Variants in CADM2 observed in about 807,000 individuals in gnomAD.
CADM2 encodes cell adhesion molecule 2.
A neutral mutation model predicts 49.8 loss-of-function variants in CADM2; 12 were observed. That is an observed-to-expected ratio of 0.24 (90% CI 0.15 to 0.39). The LOEUF (loss-of-function observed/expected upper bound fraction) is 0.39. Among genes scored for constraint, CADM2 ranks in the 10% least tolerant of loss-of-function variants. The probability of loss-of-function intolerance (pLI) is 1.00; values close to 1 mark genes in which losing one functional copy is unlikely to be tolerated. For missense variants in CADM2, 378 were observed against 492.3 expected (o/e 0.77, Z 2.20); for synonymous variants, 214 against 175.4 (o/e 1.22, Z -1.74).
rs2061893603 is a variant in CADM2, at chr3:85,554,299, A to G, written c.62-172223A>G. 2.0e-5 allele frequency among the ~76,000 whole-genome samples: 3 copies of G among 152,162 alleles called. No individual in the cohort carries two copies. The South Asian group carries it at 6.2e-4, about 32-fold the overall frequency. ...TATGAGAATCTAATGCCGCCCCTGAATCTGACAGGAGGTGGAGTTCAGGCG... is the reference window on the plus strand; with the variant it reads ...TATGAGAATCTAATGCCGCCCCTGAGTCTGACAGGAGGTGGAGTTCAGGCG... On this transcript the variant is annotated intron_variant, in intron 1 of 9. Transcript: ENST00000383699.
chr3:85,599,159 A>G (rs532452530), intron 1 of CADM2, among the ~76,000 whole-genome samples: 12 of 152,016 alleles, frequency 7.9e-5, no homozygotes, highest in Admixed American at 5.3e-4. Context: ...TTATCCACCC[A>G]CAGTTTATTT....
At chr3:85,073,686 T>A (rs1429964970) in intron 1 of CADM2, among the ~76,000 whole-genome samples, 1 of 152,172 alleles carries the variant, frequency 6.6e-6, no homozygotes, top group Non-Finnish European at 1.5e-5. Context: ...CTTAATAATG[T>A]ATTTCATTTA....
intron 1 of CADM2, among the ~76,000 whole-genome samples, chr3:85,463,294 T>C (rs1376393244): frequency 6.6e-6 from 1 of 152,182 alleles, no homozygotes. Context: ...TTCTAACTGA[T>C]TTTGAATGAC....
intron 3 of CADM2, among the ~76,000 whole-genome samples, chr3:85,828,640 T>C (rs367583229): frequency 7.2e-5 from 11 of 151,922 alleles, no homozygotes; most frequent in African/African-American, 2.2e-4. Context: ...GTATAATTCC[T>C]CACTCTCTCA....
intron 2 of CADM2, among the ~76,000 whole-genome samples, chr3:85,731,187 G>A (rs2067917198): frequency 1.3e-5 from 2 of 152,102 alleles, no homozygotes; most frequent in Admixed American, 1.3e-4. Flanking sequence ...GAAAAATTTT[G>A]GAGGTTAATT....
chr3:85,631,214 C>T (rs73141352), intron 1 of CADM2, among the ~76,000 whole-genome samples: 1 of 152,132 alleles, frequency 6.6e-6, no homozygotes, highest in Non-Finnish European at 1.5e-5. Flanking sequence ...TCTGAAAACT[C>T]TACCTGAACT....
At chr3:85,653,050 G>A (rs1472292722) in intron 1 of CADM2, among the ~76,000 whole-genome samples, 3 of 151,704 alleles carry the variant, frequency 2.0e-5, no homozygotes, top group African/African-American at 7.3e-5. Context: ...TGGGATTACA[G>A]GCGTGAGCCA....
chr3:85,520,492 T>A (rs193017387), intron 1 of CADM2, among the ~76,000 whole-genome samples: 1 of 152,066 alleles, frequency 6.6e-6, no homozygotes, highest in Non-Finnish European at 1.5e-5. Flanking sequence ...GCACTTACTC[T>A]GTGCCATGTA....
At chr3:85,180,514 G>GAAAAAA (rs58932967) in intron 1 of CADM2, among the ~76,000 whole-genome samples, 97 of 77,056 alleles carry the variant, frequency 1.3e-3, no homozygotes, top group Middle Eastern at 0.011. Context: ...GTCTCAAAAA[G>GAAAAAA]AAAAAAAAAA....
rs113910570 is a variant in CADM2 at position 84,988,994 on chromosome 3, C to T, written c.61+29326C>T. Among the ~76,000 whole-genome samples, 125 of 152,198 alleles carry T rather than the reference C, an allele frequency of 8.2e-4. No homozygotes were observed. The Middle Eastern group carries it at 0.017, about 21-fold the overall frequency. On this transcript the variant is annotated intron_variant, in intron 1 of 9. Coordinates refer to ENST00000383699, the MANE Select transcript of CADM2 (RefSeq NM_001167675.2). ...CTAGGTTTTGGGGAATAGATGGGAA[C>T]AAGAGGCAAAGTAAAGACAGAACAG...
chr3:85,818,153 A>C (rs1281383394), intron 3 of CADM2, among the ~76,000 whole-genome samples: 1 of 152,080 alleles, frequency 6.6e-6, no homozygotes, highest in Non-Finnish European at 1.5e-5. Context: ...AACTACATTG[A>C]GGGTAACAAC....
intron 1 of CADM2, among the ~76,000 whole-genome samples, chr3:85,332,792 A>G (rs60150405): frequency 0.073 from 11,044 of 151,874 alleles, 732 homozygotes; most frequent in African/African-American, 0.18. Context: ...ATCTACTGCT[A>G]GTTTGCAAGT....
At chr3:85,035,540 G>GA (rs1158507765) in intron 1 of CADM2, among the ~76,000 whole-genome samples, 22 of 152,148 alleles carry the variant, frequency 1.4e-4, no homozygotes, top group African/African-American at 5.3e-4. Context: ...TCTTGTAGTA[G>GA]TTTCATAGCT....
In CADM2 at chr3:85,132,642, A is replaced by ATATTTT. The variant is rs533231548; in HGVS notation, c.61+172975_61+172976insATTTTT. ...AAGGATATATTATATATATATATAT[A>ATATTTT]TTTAGTCATTAGACCCTCTCAGTAA... On this transcript the variant is annotated intron_variant, in intron 1 of 9. Coordinates refer to ENST00000383699, the MANE Select transcript of CADM2 (RefSeq NM_001167675.2). 3.2e-3 allele frequency among the ~76,000 whole-genome samples: 484 copies of ATATTTT among 151,622 alleles called. 9 individuals are homozygous for ATATTTT. Among genetic ancestry groups the ATATTTT allele is most frequent in the East Asian group, 0.029 (148 of 5,154 alleles).
At chr3:85,863,563 C>T (rs2075616286) in intron 3 of CADM2, among the ~76,000 whole-genome samples, 2 of 152,206 alleles carry the variant, frequency 1.3e-5, no homozygotes, top group Non-Finnish European at 2.9e-5. Context: ...GCTTGTCCTT[C>T]TGCTCTTCTG....
chr3:85,770,555 G>A (rs1231354104), intron 2 of CADM2, among the ~76,000 whole-genome samples: 1 of 152,102 alleles, frequency 6.6e-6, no homozygotes, highest in East Asian at 1.9e-4. Flanking sequence ...CTGGGCTCAA[G>A]TGATCCTCCC....
intron 1 of CADM2, among the ~76,000 whole-genome samples, chr3:85,306,773 T>C (rs1270194124): frequency 6.6e-6 from 1 of 151,898 alleles, no homozygotes; most frequent in East Asian, 1.9e-4. Flanking sequence ...GGAGAGATTA[T>C]TGCTTTCATG....
intron 2 of CADM2, among the ~76,000 whole-genome samples, chr3:85,760,077 T>A (rs1053738012): frequency 3.9e-5 from 6 of 152,176 alleles, no homozygotes; most frequent in Non-Finnish European, 8.8e-5. Context: ...TCTACTTGAA[T>A]GTTTTTCTAA....
At chr3:85,597,892 T>C (rs1173057934) in intron 1 of CADM2, among the ~76,000 whole-genome samples, 1 of 152,086 alleles carries the variant, frequency 6.6e-6, no homozygotes, top group African/African-American at 2.4e-5. Context: ...CATCTTTTAG[T>C]TATATATTTT....
Sources: allele counts gnomAD v4.1 joint callset (sites outside exome capture counted in the v4.1 genomes callset), GRCh38; gene constraint gnomAD v4.1.1; transcripts MANE v1.5; gene names NCBI Gene and HGNC (gene_info 2026-07-23, HGNC 2026-07-21).